The following SGCZ variants were observed in gnomAD, a reference collection of about 807,000 sequenced individuals.
The protein encoded by SGCZ is zeta-sarcoglycan.
In SGCZ, 40 loss-of-function variants were observed where a neutral mutation model predicts 41.3. The ratio of observed to expected loss-of-function variants is 0.97; its 90% confidence interval spans 0.75 to 1.26. The LOEUF is 1.26. SGCZ is among the 50% of genes most tolerant of loss of function. The pLI, the probability that SGCZ is intolerant of heterozygous loss-of-function variation, is 0.00. For missense variants in SGCZ, 552 were observed against 369.8 expected (o/e 1.49, Z -4.04); for synonymous variants, 206 against 137.5 (o/e 1.50, Z -3.49).
At chr8:14,915,842 C>T (rs1187460434) in intron 1 of SGCZ, among the ~76,000 whole-genome samples, 1 of 152,150 alleles carries the variant, frequency 6.6e-6, no homozygotes, top group Non-Finnish European at 1.5e-5. Flanking sequence ...CCTTAACCCA[C>T]CCACATGTGT....
chr8:15,048,722 T>A (rs1804405389), intron 1 of SGCZ, among the ~76,000 whole-genome samples: 2 of 152,120 alleles, frequency 1.3e-5, no homozygotes, highest in African/African-American at 4.8e-5. Flanking sequence ...AGAATATCTG[T>A]TTATAATCTA....
intron 1 of SGCZ, among the ~76,000 whole-genome samples, chr8:15,083,593 G>C (rs1805836843): frequency 6.6e-6 from 1 of 152,046 alleles, no homozygotes; most frequent in Non-Finnish European, 1.5e-5. Flanking sequence ...TTGTCACCTA[G>C]GCTGGAGTCC....
intron 2 of SGCZ, among the ~76,000 whole-genome samples, chr8:14,352,515 C>G (rs983268419): frequency 2.6e-5 from 4 of 152,048 alleles, no homozygotes; most frequent in Non-Finnish European, 5.9e-5. Flanking sequence ...ACTCTTCTGT[C>G]TCAAATGACA....
intron 2 of SGCZ, among the ~76,000 whole-genome samples, chr8:14,395,657 T>A (rs1451734877): frequency 1.3e-5 from 2 of 152,172 alleles, no homozygotes; most frequent in Non-Finnish European, 2.9e-5. Context: ...ACCCTGGGAA[T>A]CAATACTCTA....
At chr8:14,468,518 A>C (rs1432468942) in intron 2 of SGCZ, among the ~76,000 whole-genome samples, 1 of 152,056 alleles carries the variant, frequency 6.6e-6, no homozygotes, top group Non-Finnish European at 1.5e-5. Context: ...CTTCTAGTTT[A>C]TTAGATCTTG....
At chr8:15,172,675 A>G (rs1421478627) in intron 1 of SGCZ, among the ~76,000 whole-genome samples, 1 of 152,080 alleles carries the variant, frequency 6.6e-6, no homozygotes, top group East Asian at 1.9e-4. Flanking sequence ...TAACCAATAC[A>G]CTTGGTCTTG....
chr8:15,182,722 T>C (rs933704885), intron 1 of SGCZ, among the ~76,000 whole-genome samples: 4 of 152,188 alleles, frequency 2.6e-5, no homozygotes, highest in Non-Finnish European at 5.9e-5. Flanking sequence ...ATAAACTAAC[T>C]GTACACTTAA....
chr8:14,317,159 TA>T (rs1255727548), intron 3 of SGCZ, among the ~76,000 whole-genome samples: 1 of 152,102 alleles, frequency 6.6e-6, no homozygotes, highest in African/African-American at 2.4e-5. Flanking sequence ...CTAACACATG[TA>T]AAACATTTAG....
At chr8:14,926,310 T>G (rs944691148) in intron 1 of SGCZ, among the ~76,000 whole-genome samples, 1 of 152,186 alleles carries the variant, frequency 6.6e-6, no homozygotes, top group Non-Finnish European at 1.5e-5. Flanking sequence ...CATGTTTCAT[T>G]TGCACAAATT....
chr8:14,468,560 A>C (rs887878422), intron 2 of SGCZ, among the ~76,000 whole-genome samples: 3 of 152,198 alleles, frequency 2.0e-5, no homozygotes, highest in South Asian at 2.1e-4. Flanking sequence ...CTAACTCCAC[A>C]ATATTGAATG....
At chr8:14,375,452 T>A (rs553557764) in intron 2 of SGCZ, among the ~76,000 whole-genome samples, 1 of 152,322 alleles carries the variant, frequency 6.6e-6, no homozygotes, top group East Asian at 1.9e-4. Flanking sequence ...AACTACCTAT[T>A]TATCTATTTA....
intron 4 of SGCZ, among the ~76,000 whole-genome samples, chr8:14,234,064 A>T: frequency 6.6e-6 from 1 of 151,988 alleles, no homozygotes; most frequent in Admixed American, 6.6e-5. Context: ...TTAGTGGGGG[A>T]AATTGGATAT....
chr8:14,403,650 T>C (rs1417197128), intron 2 of SGCZ, among the ~76,000 whole-genome samples: 4 of 152,178 alleles, frequency 2.6e-5, no homozygotes, highest in Non-Finnish European at 5.9e-5. Context: ...TATTTTAGTG[T>C]TCATCAAAAA....
At chr8:14,611,940 T>A (rs1323650022) in intron 1 of SGCZ, among the ~76,000 whole-genome samples, 1 of 152,222 alleles carries the variant, frequency 6.6e-6, no homozygotes, top group Non-Finnish European at 1.5e-5. Flanking sequence ...AAATATGATA[T>A]GTAAATATTA....
chr8:14,325,225 G>A (rs1802051969), intron 2 of SGCZ, among the ~76,000 whole-genome samples: 1 of 152,008 alleles, frequency 6.6e-6, no homozygotes, highest in Non-Finnish European at 1.5e-5. Context: ...TACTAATAAT[G>A]CATAATTGCG....
At chr8:14,106,761 T>C (rs1802216714) in intron 6 of SGCZ, among the ~76,000 whole-genome samples, 1 of 152,242 alleles carries the variant, frequency 6.6e-6, no homozygotes, top group African/African-American at 2.4e-5. Flanking sequence ...GTTGATACTA[T>C]GATCCAACTT....
At chr8:14,105,669 G>C (rs1255754459) in intron 6 of SGCZ, among the ~76,000 whole-genome samples, 1 of 151,798 alleles carries the variant, frequency 6.6e-6, no homozygotes, top group East Asian at 1.9e-4. Context: ...TCTGCTTTTA[G>C]AACCAGCTGA....
intron 1 of SGCZ, among the ~76,000 whole-genome samples, chr8:14,624,676 T>C (rs895820609): frequency 1.3e-5 from 2 of 148,858 alleles, no homozygotes; most frequent in African/African-American, 4.9e-5. Flanking sequence ...GGTCAAGTAA[T>C]TCTCCTACCT....
intron 1 of SGCZ, among the ~76,000 whole-genome samples, chr8:14,763,842 G>C (rs1351539900): frequency 6.6e-6 from 1 of 152,110 alleles, no homozygotes. Context: ...AAGTGAATAA[G>C]GACACAGATA....
Sources: allele counts gnomAD v4.1 joint callset (sites outside exome capture counted in the v4.1 genomes callset), GRCh38; gene constraint gnomAD v4.1.1; transcripts MANE v1.5; gene names NCBI Gene and HGNC (gene_info 2026-07-23, HGNC 2026-07-21).